Variants in CCSER1 observed in about 807,000 individuals in gnomAD.
The protein encoded by CCSER1 is serine-rich coiled-coil domain-containing protein 1.
CCSER1 carries 41 observed loss-of-function variants against 82.0 expected under a neutral mutation model. The ratio of observed to expected loss-of-function variants is 0.50; its 90% CI spans 0.39 to 0.65. The LOEUF is 0.65. Among genes scored for constraint, CCSER1 ranks in the 30% least tolerant of loss-of-function variants. CCSER1 has a pLI of 0.00. For missense variants in CCSER1, 1,119 were observed against 1,064.2 expected, an observed-to-expected ratio of 1.05 and a Z score of -0.72; for synonymous variants, 414 against 383.9, an observed-to-expected ratio of 1.08 and a Z score of -0.92.
intron 7 of CCSER1, among the ~76,000 whole-genome samples, chr4:90,734,451 T>G (rs1054844991): frequency 1.3e-5 from 2 of 152,220 alleles, no homozygotes; most frequent in Admixed American, 6.5e-5. Context: ...TTTATGAATC[T>G]AGAATATCTT....
At chr4:90,766,450 A>T (rs886297386) in intron 7 of CCSER1, among the ~76,000 whole-genome samples, 3 of 151,920 alleles carry the variant, frequency 2.0e-5, no homozygotes, top group Non-Finnish European at 4.4e-5. Context: ...ATTTTAATAT[A>T]TTATTTATAT....
intron 5 of CCSER1, among the ~76,000 whole-genome samples, chr4:90,548,070 C>A (rs6822624): frequency 4.6e-5 from 7 of 151,944 alleles, no homozygotes; most frequent in South Asian, 4.1e-4. Flanking sequence ...TGTATTCTTA[C>A]ATCTCTGAAA....
chr4:90,562,797 C>G (rs148845179), intron 5 of CCSER1, among the ~76,000 whole-genome samples: 1 of 150,198 alleles, frequency 6.7e-6, no homozygotes. Flanking sequence ...CTTGGCTTCC[C>G]AAAGTGCTAG....
chr4:90,744,896 A>G (rs1253289077), intron 7 of CCSER1, among the ~76,000 whole-genome samples: 2 of 152,054 alleles, frequency 1.3e-5, no homozygotes, highest in Non-Finnish European at 2.9e-5. Context: ...GGTGCCAAAA[A>G]GGTTGGACTA....
chr4:91,352,368 TC>T (rs1221822492), intron 10 of CCSER1, among the ~76,000 whole-genome samples: 2 of 152,136 alleles, frequency 1.3e-5, no homozygotes, highest in African/African-American at 4.8e-5. Flanking sequence ...TGCCTCAGCC[TC>T]CCAAGTAGCT....
chr4:90,397,862 A>G (rs1752237992), intron 3 of CCSER1, among the ~76,000 whole-genome samples: 1 of 152,246 alleles, frequency 6.6e-6, no homozygotes, highest in Non-Finnish European at 1.5e-5. Context: ...CTCACTTGGT[A>G]TAATAAAAAA....
intron 10 of CCSER1, among the ~76,000 whole-genome samples, chr4:91,509,059 T>A (rs186103784): frequency 6.6e-6 from 1 of 152,168 alleles, no homozygotes; most frequent in Admixed American, 6.5e-5. Flanking sequence ...GATTTGCTTA[T>A]TTTTACTGTT....
chr4:90,328,185 A>G (rs564486832), intron 3 of CCSER1, among the ~76,000 whole-genome samples: 2 of 152,312 alleles, frequency 1.3e-5, no homozygotes, highest in African/African-American at 2.4e-5. Context: ...TAGGCACGAC[A>G]ATCACAATAT....
At chr4:91,199,609 C>T (rs1190500767) in intron 10 of CCSER1, among the ~76,000 whole-genome samples, 1 of 151,958 alleles carries the variant, frequency 6.6e-6, no homozygotes, top group Non-Finnish European at 1.5e-5. Flanking sequence ...AGGTAAAGCT[C>T]ATGTCCTCAA....
At chr4:91,519,434 G>T (rs1560733592) in intron 10 of CCSER1, among the ~76,000 whole-genome samples, 1 of 152,212 alleles carries the variant, frequency 6.6e-6, no homozygotes, top group African/African-American at 2.4e-5. Flanking sequence ...ATCCTGCGAG[G>T]TGCAGTGGAA....
intron 8 of CCSER1, among the ~76,000 whole-genome samples, chr4:90,822,467 G>A (rs1335188823): frequency 1.3e-5 from 2 of 152,102 alleles, no homozygotes; most frequent in African/African-American, 4.8e-5. Context: ...GGTGACTCAC[G>A]CCTGTAATCC....
intron 10 of CCSER1, among the ~76,000 whole-genome samples, chr4:91,258,992 G>A (rs959712866): frequency 2.6e-5 from 4 of 151,992 alleles, no homozygotes; most frequent in Non-Finnish European, 5.9e-5. Flanking sequence ...TTTAAATTCT[G>A]ATAATAGTAT....
At position 91,525,745 on chromosome 4, in the gene CCSER1, A is replaced by G. The variant is rs971066783; in HGVS notation, c.2218-72827A>G. On this transcript the variant is annotated intron_variant, in intron 10 of 10. Transcript: ENST00000509176. ...CCAAGTACACTCTACCCTCTTACCT[A>G]TGCTTCTTCTTATTTGTCTCATATA... Among the ~76,000 whole-genome samples the G allele has an allele frequency of 3.9e-5, 6 of 151,940 alleles. No individual in the cohort carries two copies. In the South Asian group the frequency reaches 1.2e-3, roughly 32 times the overall value.
intron 5 of CCSER1, among the ~76,000 whole-genome samples, chr4:90,486,252 A>G (rs1767039567): frequency 6.6e-6 from 1 of 152,166 alleles, no homozygotes; most frequent in African/African-American, 2.4e-5. Context: ...TTTTGCTTAA[A>G]TTCTTGATCT....
chr4:90,490,946 G>C lies in CCSER1; in HGVS notation c.1724+22592G>C, dbSNP rs191686093. Among the ~76,000 whole-genome samples, 5 of 151,980 alleles carry C rather than the reference G, an allele frequency of 3.3e-5. No individual in the cohort carries two copies. In the East Asian group the frequency reaches 9.6e-4, roughly 29 times the overall value. On this transcript the variant is annotated intron_variant, in intron 5 of 10. Transcript: ENST00000509176. The stretch of plus-strand genomic sequence containing the variant: ...ATAGCCTTGTAGTATAGTTTGAAGT[G>C]AGGTAGCATAATGCCTCCAGCTTTG...
At chr4:91,412,364 A>G (rs2149373513) in intron 10 of CCSER1, among the ~76,000 whole-genome samples, 1 of 152,024 alleles carries the variant, frequency 6.6e-6, no homozygotes, top group African/African-American at 2.4e-5. Flanking sequence ...AACCTCCCTC[A>G]ACTATATTCT....
intron 10 of CCSER1, among the ~76,000 whole-genome samples, chr4:91,328,463 G>GC (rs1279468422): frequency 6.6e-6 from 1 of 152,150 alleles, no homozygotes; most frequent in Non-Finnish European, 1.5e-5. Flanking sequence ...GGAGAAGTCT[G>GC]CCCCCATGAT....
At chr4:91,507,345 C>A (rs12509606) in intron 10 of CCSER1, among the ~76,000 whole-genome samples, 14,041 of 152,208 alleles carry the variant, frequency 0.092, 880 homozygotes, top group Middle Eastern at 0.19. Context: ...AGTGGTATCT[C>A]ATTGTGATTT....
chr4:90,922,125 T>A (rs1407808553), intron 8 of CCSER1, among the ~76,000 whole-genome samples: 1 of 152,108 alleles, frequency 6.6e-6, no homozygotes, highest in Admixed American at 6.6e-5. Context: ...ATTAGGGAAG[T>A]CAGAAGTGAT....
Sources: allele counts gnomAD v4.1 joint callset (sites outside exome capture counted in the v4.1 genomes callset), GRCh38; gene constraint gnomAD v4.1.1; transcripts MANE v1.5; gene names NCBI Gene and HGNC (gene_info 2026-07-23, HGNC 2026-07-21).